Variants in ALKBH5 observed in about 807,000 individuals in gnomAD.
ALKBH5 encodes the protein alkB homolog 5, RNA demethylase, also known as RNA demethylase ALKBH5.
Under a neutral mutation model 32.1 loss-of-function variants are expected in ALKBH5, and 2 were observed. That is an observed-to-expected ratio of 0.06 (90% CI 0.03 to 0.20). ALKBH5 has a LOEUF of 0.20. ALKBH5 is among the 10% of genes least tolerant of loss of function. The pLI, the probability that ALKBH5 is intolerant of heterozygous loss-of-function variation, is 1.00. For synonymous variants in ALKBH5, 300 were observed against 231.7 expected (o/e 1.29, Z -2.68); for missense variants, 352 against 559.5 (o/e 0.63, Z 3.74).
intron 2 of ALKBH5, among the ~76,000 whole-genome samples, chr17:18,201,706 C>G (rs898328112): frequency 6.6e-6 from 1 of 151,620 alleles, no homozygotes; most frequent in Non-Finnish European, 1.5e-5. Context: ...GATTGCACCA[C>G]TGCACTCCAG....
intron 2 of ALKBH5, among the ~76,000 whole-genome samples, chr17:18,202,097 G>A (rs2047245121): frequency 1.3e-5 from 2 of 151,794 alleles, no homozygotes; most frequent in African/African-American, 4.8e-5. Context: ...CGTGAGGTCA[G>A]GAGATCGAGA....
rs200370304 is a variant in ALKBH5, at chr17:18,184,645, C to T, written c.402C>T (p.Phe134=). The part of the protein sequence containing the change: ...VDRAPLRNKY[F]FGEGYTYGAQ... The stretch of plus-strand genomic sequence containing the variant: ...GGGCCCCACTGCGCAACAAGTACTT[C>T]TTCGGCGAAGGCTACACTTACGGCG... The change falls in exon 1 of 4, where the codon TTC becomes TTT. Residue 134 remains phenylalanine (F), a synonymous_variant. Coordinates refer to ENST00000399138, the MANE Select transcript of ALKBH5 (RefSeq NM_017758.4). The T allele has an allele frequency of 7.1e-4, 1,140 of 1,613,146 alleles. 1 individual carries two copies. The highest frequency in any genetic ancestry group is 8.8e-4 in the Non-Finnish European group (1,043 of 1,179,916).
chr17:18,193,528 C>CAT (rs2047189813), intron 1 of ALKBH5, among the ~76,000 whole-genome samples: 1 of 150,120 alleles, frequency 6.7e-6, no homozygotes, highest in African/African-American at 2.5e-5. Context: ...ACCTGGGTGA[C>CAT]AGAGTGAGAC....
At chr17:18,195,064 C>G (rs781351982) in intron 2 of ALKBH5, 29 bp downstream of exon 2, 8 of 1,598,484 alleles carry the variant, frequency 5.0e-6, no homozygotes, top group Non-Finnish European at 6.0e-6. Context: ...GACCTTCTGC[C>G]TCACCTGCAG....
In ALKBH5 at chr17:18,184,005, A is replaced by T; in HGVS notation, c.-239A>T. 1.5e-6 allele frequency: 1 copy of T among 652,734 alleles called. No individual in the cohort carries two copies. Among genetic ancestry groups the T allele is most frequent in the Non-Finnish European group, 2.8e-6 (1 of 356,448 alleles). The allele number at this position is 652,734 out of a possible 1,614,324, so 40.4% of individuals were successfully genotyped here. On this transcript the variant is annotated 5_prime_UTR_variant, in exon 1 of 4. Coordinates refer to ENST00000399138, the MANE Select transcript of ALKBH5 (RefSeq NM_017758.4). ...GCTGCCGGCGCCCCTGCCCCGCGGG[A>T]CGTGGAGAAGGTGGAGGAGGAAGAA...
intron 1 of ALKBH5, among the ~76,000 whole-genome samples, chr17:18,186,101 C>T (rs1343723472): frequency 6.6e-6 from 1 of 152,200 alleles, no homozygotes; most frequent in East Asian, 1.9e-4. Flanking sequence ...TCATCTGTTT[C>T]ATTTGAGTCT....
chr17:18,185,257 A>T (rs1382463161), intron 1 of ALKBH5, among the ~76,000 whole-genome samples: 2 of 152,102 alleles, frequency 1.3e-5, no homozygotes, highest in African/African-American at 4.8e-5. Flanking sequence ...CTTGGCTGAG[A>T]ATTCATCGAA....
intron 1 of ALKBH5, among the ~76,000 whole-genome samples, chr17:18,185,337 C>T (rs1423283843): frequency 1.3e-5 from 2 of 152,028 alleles, no homozygotes; most frequent in Non-Finnish European, 2.9e-5. Flanking sequence ...AGCATAAGTC[C>T]CTTTGTGATT....
In ALKBH5 at chr17:18,184,418, A is replaced by G. The variant is rs1032708221; in HGVS notation, c.175A>G (p.Lys59Glu). The G allele has an allele frequency of 6.3e-7, 1 of 1,584,406 alleles. No individual in the cohort carries two copies. Among genetic ancestry groups the G allele is most frequent in the Non-Finnish European group, 8.6e-7 (1 of 1,166,064 alleles). The change falls in exon 1 of 4, where the codon AAG becomes GAG. Residue 59 changes from lysine to glutamate, a missense_variant. Around this residue, in one of 4 missense-constraint regions of ALKBH5, gnomAD observed 144 missense variants for 125.8 expected, o/e 1.14. Transcript: ENST00000399138. ...EPYPVSGAKR[K>E]YQEDSDPERS... Reference sequence around the variant, plus strand: ...TTACCCTGTGTCCGGGGCCAAGCGCAAGTATCAGGAGGACTCGGACCCCGA... The same window carrying G: ...TTACCCTGTGTCCGGGGCCAAGCGCGAGTATCAGGAGGACTCGGACCCCGA...
At chr17:18,198,396 G>C (rs554195372) in intron 2 of ALKBH5, among the ~76,000 whole-genome samples, 2 of 152,316 alleles carry the variant, frequency 1.3e-5, no homozygotes, top group East Asian at 3.9e-4. Context: ...CAGCTCCAGA[G>C]TAGCTACATG....
intron 1 of ALKBH5, among the ~76,000 whole-genome samples, chr17:18,188,403 T>G (rs1385745758): frequency 6.6e-6 from 1 of 152,276 alleles, no homozygotes; most frequent in Non-Finnish European, 1.5e-5. Flanking sequence ...GAGCTCAGCC[T>G]GTGACTCTTC....
intron 1 of ALKBH5, among the ~76,000 whole-genome samples, chr17:18,187,462 G>A (rs900446524): frequency 2.0e-5 from 3 of 152,094 alleles, no homozygotes; most frequent in Admixed American, 6.5e-5. Flanking sequence ...GAGGCTGTTC[G>A]TGCATTGTAG....
At chr17:18,190,429 A>G (rs2142472191) in intron 1 of ALKBH5, among the ~76,000 whole-genome samples, 1 of 152,006 alleles carries the variant, frequency 6.6e-6, no homozygotes, top group Non-Finnish European at 1.5e-5. Flanking sequence ...AGGCACCTGT[A>G]ATCCCAGCTA....
intron 2 of ALKBH5, among the ~76,000 whole-genome samples, chr17:18,200,333 G>A (rs536634053): frequency 1.3e-5 from 2 of 151,994 alleles, no homozygotes; most frequent in Non-Finnish European, 2.9e-5. Flanking sequence ...ATGGGTCTTC[G>A]GGGCCTTGAG....
chr17:18,207,021 G>T, intron 3 of ALKBH5, 51 bp downstream of exon 3: 1 of 1,595,986 alleles, frequency 6.3e-7, no homozygotes, highest in South Asian at 1.1e-5. Context: ...TGGCTGCAGG[G>T]TGAGAAGGGT....
At position 18,184,031 on chromosome 17, in the gene ALKBH5, G is replaced by A. The variant is rs2047118302; in HGVS notation, c.-213G>A. 1.5e-6 allele frequency: 1 copy of A among 675,722 alleles called. No homozygotes were observed. Among genetic ancestry groups the A allele is most frequent in the Admixed American group, 2.1e-5 (1 of 48,600 alleles). The allele number at this position is 675,722 out of a possible 1,614,324, so 41.9% of individuals were successfully genotyped here. A position where few individuals can be genotyped will look rare whatever the true frequency, so the allele number is the denominator to read the frequency against. On this transcript the variant is annotated 5_prime_UTR_variant, in exon 1 of 4. Transcript: ENST00000399138. The stretch of plus-strand genomic sequence containing the variant: ...CGTGGAGAAGGTGGAGGAGGAAGAA[G>A]CCCCGTTGTCGCCACCGTTGCATGA...
At position 18,194,994 on chromosome 17, in the gene ALKBH5, T is replaced by C; in HGVS notation, c.810T>C (p.Pro270=). 1 of 1,613,848 alleles carries C rather than the reference T, an allele frequency of 6.2e-7. No homozygotes were observed. Among genetic ancestry groups the C allele is most frequent in the Non-Finnish European group, 8.5e-7 (1 of 1,179,976 alleles). ...ATGAAATCACTCACTGCATACGGCC[T>C]CAGGACATCAAGGAGCGCCGAGCAG... is the stretch of plus-strand genomic sequence containing the variant. ...AADEITHCIR[P]QDIKERRAVI... is the part of the protein sequence containing the mutation. Residue 270 remains proline, a synonymous_variant, in exon 2 of 4, where the codon CCT becomes CCC. Transcript: ENST00000399138.
Position 18,184,618 on chromosome 17 carries a change from C to T in ALKBH5, c.375C>T (p.Asp125=). 1 of 1,613,250 alleles carries T rather than the reference C, an allele frequency of 6.2e-7. No individual in the cohort carries two copies. The highest frequency in any genetic ancestry group is 8.5e-7 in the Non-Finnish European group (1 of 1,180,018). The change falls in exon 1 of 4, where the codon GAC becomes GAT. Residue 125 remains aspartate (D), a synonymous_variant. Transcript: ENST00000399138. ...EKGLYNEHTV[D]RAPLRNKYFF... Reference sequence around the variant, plus strand: ...GCCTGTACAACGAGCACACGGTGGACCGGGCCCCACTGCGCAACAAGTACT... The same window carrying T: ...GCCTGTACAACGAGCACACGGTGGATCGGGCCCCACTGCGCAACAAGTACT...
At position 18,208,416 on chromosome 17, in the gene ALKBH5, G is replaced by A. The variant is rs2047283090; in HGVS notation, c.*20G>A. On this transcript the variant is annotated 3_prime_UTR_variant, in exon 4 of 4. Coordinates refer to ENST00000399138, the MANE Select transcript of ALKBH5 (RefSeq NM_017758.4). The stretch of plus-strand genomic sequence containing the variant: ...CACTGAGTCTACCCGCCGCCCTCCT[G>A]GGAACTCTGGCTCATCCTTACGTAG... 1 of 1,610,328 alleles carries A rather than the reference G, an allele frequency of 6.2e-7. No individual in the cohort carries two copies. The highest frequency in any genetic ancestry group is 8.5e-7 in the Non-Finnish European group (1 of 1,178,882).
Sources: gnomAD v4.1 joint callset for allele counts (sites outside exome capture counted in the v4.1 genomes callset) on GRCh38, gnomAD v4.1.1 for gene constraint, gnomAD v4.1.1 regional missense constraint, MANE v1.5 for transcripts, NCBI Gene and HGNC (gene_info 2026-07-23, HGNC 2026-07-21) for gene names.